Variants in TMBIM1 observed in about 807,000 individuals in gnomAD.
TMBIM1 encodes transmembrane BAX inhibitor motif containing 1, also known as protein lifeguard 3.
TMBIM1 carries 34 observed loss-of-function variants against 45.1 expected under a neutral mutation model. That is an observed-to-expected ratio of 0.75 (90% CI 0.57 to 1.00). TMBIM1 has a LOEUF of 1.00. TMBIM1 is among the 50% of genes least tolerant of loss of function. The pLI is 0.00. For missense variants in TMBIM1, 374 were observed against 402.4 expected, an observed-to-expected ratio of 0.93 and a Z score of 0.60; for synonymous variants, 157 against 153.5, an observed-to-expected ratio of 1.02 and a Z score of -0.17.
intron 2 of TMBIM1, among the ~76,000 whole-genome samples, chr2:218,281,167 T>C (rs1206537820): frequency 7.5e-6 from 1 of 134,130 alleles, no homozygotes; most frequent in Non-Finnish European, 1.5e-5. Context: ...AGAGTCTTGC[T>C]CTGTTGCTCA....
intron 3 of TMBIM1, among the ~76,000 whole-genome samples, 193 bp downstream of exon 3, chr2:218,279,833 G>C (rs1241493422): frequency 7.5e-6 from 1 of 132,826 alleles, no homozygotes; most frequent in African/African-American, 2.6e-5. Context: ...GTCAAGAAGA[G>C]AGGTGCAAAA....
intron 5 of TMBIM1, 99 bp from the exon 6 acceptor site, chr2:218,278,664 A>G: frequency 7.5e-7 from 1 of 1,330,202 alleles, no homozygotes; most frequent in Non-Finnish European, 1.1e-6. Flanking sequence ...GCCGTTTGGA[A>G]GTCTGAGGGG....
In TMBIM1 at chr2:218,278,578, A is replaced by G; in HGVS notation, c.423-13T>C. ...AACGAAGACAGCACTAGGGACAAAG[A>G]GATGGGGAAGCAGTTCAGGCCCAAA... On this transcript the variant is annotated splice_polypyrimidine_tract_variant and intron_variant, in intron 5 of 11. Transcript: ENST00000258412. 6.2e-7 allele frequency: 1 copy of G among 1,614,160 alleles called. No homozygotes were observed. The highest frequency in any genetic ancestry group is 8.5e-7 in the Non-Finnish European group (1 of 1,179,994).
chr2:218,276,710 C>A (rs1425698661), intron 10 of TMBIM1, among the ~76,000 whole-genome samples: 1 of 152,230 alleles, frequency 6.6e-6, no homozygotes, highest in East Asian at 1.9e-4. Context: ...AGTCTGCCTC[C>A]GAGAACCTGA....
intron 1 of TMBIM1, among the ~76,000 whole-genome samples, chr2:218,287,501 A>G (rs1207557597): frequency 1.3e-5 from 2 of 152,160 alleles, no homozygotes; most frequent in Non-Finnish European, 2.9e-5. Context: ...CGAGGTCAGG[A>G]GATCAAGACC....
At chr2:218,276,844 G>A (rs1691266080) in intron 10 of TMBIM1, among the ~76,000 whole-genome samples, 160 bp downstream of exon 10, 1 of 152,202 alleles carries the variant, frequency 6.6e-6, no homozygotes, top group African/African-American at 2.4e-5. Flanking sequence ...CCCTCACCCA[G>A]AAGGATGCTG....
At chr2:218,277,560 G>A in intron 8 of TMBIM1, 73 bp downstream of exon 8, 3 of 1,609,710 alleles carry the variant, frequency 1.9e-6, no homozygotes, top group Non-Finnish European at 2.6e-6. Flanking sequence ...CACGCAGCTG[G>A]CTGCCGGCCC....
At chr2:218,278,216 A>C in intron 6 of TMBIM1, 1 of 605,528 alleles carries the variant, frequency 1.7e-6, no homozygotes, top group Non-Finnish European at 2.9e-6. Flanking sequence ...TCTTAAACTG[A>C]CTGCCTGTGT....
intron 5 of TMBIM1, among the ~76,000 whole-genome samples, 199 bp downstream of exon 5, chr2:218,278,839 C>A (rs558446347): frequency 6.6e-6 from 1 of 152,324 alleles, no homozygotes; most frequent in South Asian, 2.1e-4. Context: ...ACCAGCAGGT[C>A]CCACTCTTGC....
chr2:218,276,312 G>A (rs1360276074), intron 10 of TMBIM1, among the ~76,000 whole-genome samples: 1 of 152,224 alleles, frequency 6.6e-6, no homozygotes, highest in Non-Finnish European at 1.5e-5. Context: ...TCCAAAGCCA[G>A]TCAAGGTACA....
rs529777981 is a variant in TMBIM1 at position 218,275,278 on chromosome 2, T to C, written c.*197A>G. 2 of 578,920 alleles carry C rather than the reference T, an allele frequency of 3.5e-6. No individual in the cohort carries two copies. Among genetic ancestry groups the C allele is most frequent in the African/African-American group, 1.9e-5 (1 of 51,712 alleles). 35.9% of individuals were successfully genotyped at this position (578,920 alleles called of 1,614,324 possible). A position where few individuals can be genotyped will look rare whatever the true frequency, so the allele number is the denominator to read the frequency against. On this transcript the variant is annotated 3_prime_UTR_variant, in exon 12 of 12. Transcript: ENST00000258412. Reference sequence around the variant, plus strand: ...CAAGCCCACCAAGAGCAACAGTTAGTCCCTAGCTCCTCCGTCCCCACCAAG... The same window carrying C: ...CAAGCCCACCAAGAGCAACAGTTAGCCCCTAGCTCCTCCGTCCCCACCAAG...
intron 1 of TMBIM1, among the ~76,000 whole-genome samples, chr2:218,292,157 G>A (rs933960897): frequency 5.9e-5 from 9 of 152,196 alleles, no homozygotes; most frequent in Non-Finnish European, 1.2e-4. Flanking sequence ...ACTCGTGCCC[G>A]AAAGAGGGAA....
chr2:218,276,119 A>C, intron 10 of TMBIM1, 40 bp from the exon 11 acceptor site: 2 of 1,601,972 alleles, frequency 1.2e-6, no homozygotes, highest in Non-Finnish European at 1.7e-6. Flanking sequence ...TAGAAACCTC[A>C]GCAAACCACA....
intron 1 of TMBIM1, 48 bp from the exon 2 acceptor site, chr2:218,282,229 C>T: frequency 1.8e-6 from 2 of 1,133,188 alleles, no homozygotes; most frequent in Non-Finnish European, 2.4e-6. Context: ...AGGCCCAGCT[C>T]ACTCAGCCTC....
In TMBIM1 at chr2:218,280,362, G is replaced by A. The variant is rs532061054; in HGVS notation, c.203-236C>T. ...TCACGTGCATCTGTGGAGGGCTCCT[G>A]TGTGCCCAGCCCACGCCACTGGGGG... On this transcript the variant is annotated intron_variant, in intron 2 of 11. Transcript: ENST00000258412. 7 of 470,694 alleles carry A rather than the reference G, an allele frequency of 1.5e-5. No homozygotes were observed. In the East Asian group the frequency reaches 2.9e-4, roughly 20 times the overall value. 29.2% of individuals were successfully genotyped at this position (470,694 alleles called of 1,614,324 possible).
rs1033588968 is a variant in TMBIM1 at position 218,279,419 on chromosome 2, G to C, written c.304-66C>G. ...CCTGGCCTGCCCCAGGAAGCTGCCAGCCCCCAGTACTTTCCTCCCACTCAA... is the reference window on the plus strand; with the variant it reads ...CCTGGCCTGCCCCAGGAAGCTGCCACCCCCCAGTACTTTCCTCCCACTCAA... On this transcript the variant is annotated intron_variant, in intron 3 of 11. Coordinates refer to ENST00000258412, the MANE Select transcript of TMBIM1 (RefSeq NM_022152.6). 5 of 1,444,614 alleles carry C rather than the reference G, an allele frequency of 3.5e-6. No individual in the cohort carries two copies. In the African/African-American group the frequency reaches 5.7e-5, roughly 16 times the overall value. The allele number at this position is 1,444,614 out of a possible 1,614,324, so 89.5% of individuals were successfully genotyped here.
chr2:218,289,637 A>AAC (rs1238411892), intron 1 of TMBIM1, among the ~76,000 whole-genome samples: 14 of 151,206 alleles, frequency 9.3e-5, no homozygotes, highest in African/African-American at 3.2e-4. Flanking sequence ...AAAAAAAAAA[A>AAC]AAAAAAAAAC....
At chr2:218,280,574 G>C (rs1691805118) in intron 2 of TMBIM1, 2 of 226,160 alleles carry the variant, frequency 8.8e-6, no homozygotes, top group South Asian at 5.7e-5. Context: ...GCCTCACAGA[G>C]GCAGGTGTGC....
chr2:218,279,221 C>G, intron 4 of TMBIM1, 68 bp downstream of exon 4: 1 of 1,552,692 alleles, frequency 6.4e-7, no homozygotes, highest in South Asian at 1.2e-5. Context: ...CACCGCCACC[C>G]ACACCCCCAG....
Sources: gnomAD v4.1 joint callset for allele counts (sites outside exome capture counted in the v4.1 genomes callset) on GRCh38, gnomAD v4.1.1 for gene constraint, MANE v1.5 for transcripts, NCBI Gene and HGNC (gene_info 2026-07-23, HGNC 2026-07-21) for gene names.